The following GALNTL6 variants were observed in gnomAD, a reference collection of about 807,000 sequenced individuals.
GALNTL6 encodes polypeptide N-acetylgalactosaminyltransferase like 6, also known as polypeptide N-acetylgalactosaminyltransferase-like 6.
GALNTL6 carries 46 observed loss-of-function variants against 73.7 expected under a neutral mutation model. The ratio of observed to expected loss-of-function variants is 0.62; its 90% confidence interval spans 0.49 to 0.80. The LOEUF (loss-of-function observed/expected upper bound fraction) is 0.80. Among genes scored for constraint, GALNTL6 ranks in the 30% least tolerant of loss-of-function variants. The pLI, the probability that GALNTL6 is intolerant of heterozygous loss-of-function variation, is 0.00. For synonymous variants in GALNTL6, 259 were observed against 263.7 expected, an observed-to-expected ratio of 0.98 and a Z score of 0.17; for missense variants, 604 against 755.0, an observed-to-expected ratio of 0.80 and a Z score of 2.34.
At chr4:172,253,132 T>C (rs1361461283) in intron 3 of GALNTL6, among the ~76,000 whole-genome samples, 1 of 151,968 alleles carries the variant, frequency 6.6e-6, no homozygotes, top group African/African-American at 2.4e-5. Flanking sequence ...TATTTTTTAT[T>C]ACATGTAATC....
chr4:172,302,763 A>T (rs538472030), intron 3 of GALNTL6, among the ~76,000 whole-genome samples: 27 of 152,256 alleles, frequency 1.8e-4, no homozygotes, highest in African/African-American at 5.8e-4. Context: ...AAAAATAGAT[A>T]TAGGACTATT....
At chr4:171,906,351 G>A (rs928780690) in intron 2 of GALNTL6, among the ~76,000 whole-genome samples, 1 of 151,446 alleles carries the variant, frequency 6.6e-6, no homozygotes, top group African/African-American at 2.4e-5. Flanking sequence ...TACCATCAGA[G>A]AATACTACAA....
At chr4:172,388,282 T>A (rs557533443) in intron 5 of GALNTL6, among the ~76,000 whole-genome samples, 1 of 152,270 alleles carries the variant, frequency 6.6e-6, no homozygotes, top group East Asian at 1.9e-4. Context: ...GTTGCTATTT[T>A]TTCGTTTTAG....
At chr4:173,007,204 C>G (rs1752340843) in intron 10 of GALNTL6, among the ~76,000 whole-genome samples, 1 of 152,150 alleles carries the variant, frequency 6.6e-6, no homozygotes, top group Non-Finnish European at 1.5e-5. Flanking sequence ...CCTCATTGCC[C>G]ACCCCAGCAG....
chr4:172,162,242 G>T (rs1734493583), intron 2 of GALNTL6, among the ~76,000 whole-genome samples: 1 of 151,730 alleles, frequency 6.6e-6, no homozygotes, highest in Non-Finnish European at 1.5e-5. Flanking sequence ...GGGACACAGT[G>T]GGAGAGGATT....
intron 10 of GALNTL6, among the ~76,000 whole-genome samples, chr4:172,976,134 C>T (rs1195160576): frequency 6.6e-6 from 1 of 152,176 alleles, no homozygotes; most frequent in Admixed American, 6.5e-5. Context: ...TCCAAGTGGA[C>T]ACCTCTGCCA....
chr4:171,949,732 G>A (rs1481352177), intron 2 of GALNTL6, among the ~76,000 whole-genome samples: 1 of 152,092 alleles, frequency 6.6e-6, no homozygotes. Flanking sequence ...ATCACACAAT[G>A]AGTAAGTTAA....
At chr4:172,489,416 G>A (rs537347778) in intron 5 of GALNTL6, among the ~76,000 whole-genome samples, 5 of 152,270 alleles carry the variant, frequency 3.3e-5, no homozygotes, top group East Asian at 1.9e-4. Context: ...ATTGATTTAC[G>A]CATGTGTATG....
At chr4:172,885,058 A>T (rs1433388141) in intron 8 of GALNTL6, among the ~76,000 whole-genome samples, 1 of 152,172 alleles carries the variant, frequency 6.6e-6, no homozygotes, top group Non-Finnish European at 1.5e-5. Flanking sequence ...AAGTAATGGG[A>T]TGACTCCAGC....
At chr4:171,818,404 A>G (rs1734581579) in intron 2 of GALNTL6, among the ~76,000 whole-genome samples, 1 of 151,888 alleles carries the variant, frequency 6.6e-6, no homozygotes, top group Admixed American at 6.6e-5. Flanking sequence ...TTTAGCAAGT[A>G]ACTTGGAAAT....
chr4:172,115,311 A>G (rs2110986787), intron 2 of GALNTL6, among the ~76,000 whole-genome samples: 1 of 152,246 alleles, frequency 6.6e-6, no homozygotes, highest in African/African-American at 2.4e-5. Flanking sequence ...TTCTGAAGGA[A>G]CCTTTTAGAA....
At chr4:172,970,422 C>A (rs1375931992) in intron 10 of GALNTL6, among the ~76,000 whole-genome samples, 2 of 152,122 alleles carry the variant, frequency 1.3e-5, no homozygotes, top group African/African-American at 4.8e-5. Flanking sequence ...CCCAGAGTGG[C>A]CATTTATAGA....
intron 2 of GALNTL6, among the ~76,000 whole-genome samples, chr4:172,043,019 C>T (rs980727806): frequency 2.0e-5 from 3 of 151,788 alleles, no homozygotes; most frequent in African/African-American, 4.8e-5. Flanking sequence ...AATGAGTCAC[C>T]GTCTTTGTTG....
At chr4:172,350,525 C>G (rs189220043) in intron 5 of GALNTL6, among the ~76,000 whole-genome samples, 2 of 152,166 alleles carry the variant, frequency 1.3e-5, no homozygotes, top group African/African-American at 4.8e-5. Context: ...AATTTAGGAA[C>G]AGTAATGGTG....
chr4:172,445,134 A>G (rs1731974460), intron 5 of GALNTL6, among the ~76,000 whole-genome samples: 1 of 152,156 alleles, frequency 6.6e-6, no homozygotes, highest in Non-Finnish European at 1.5e-5. Flanking sequence ...CCCACTAGAG[A>G]CATGAGAAGT....
chr4:172,635,946 G>C (rs1739654701), intron 5 of GALNTL6, among the ~76,000 whole-genome samples: 1 of 152,122 alleles, frequency 6.6e-6, no homozygotes, highest in African/African-American at 2.4e-5. Context: ...CAACATTTCT[G>C]TAAAAGCTAT....
chr4:172,320,998 G>T (rs1322986649), intron 4 of GALNTL6, among the ~76,000 whole-genome samples: 2 of 152,110 alleles, frequency 1.3e-5, no homozygotes, highest in African/African-American at 4.8e-5. Context: ...AAATAAGTGA[G>T]GACAGTACAA....
chr4:172,705,600 G>A (rs548226115), intron 5 of GALNTL6, among the ~76,000 whole-genome samples: 3 of 151,912 alleles, frequency 2.0e-5, no homozygotes, highest in East Asian at 3.9e-4. Context: ...ACTTCAGGTG[G>A]ATTTTTTTTG....
chr4:172,062,083 G>A (rs1731221704), intron 2 of GALNTL6, among the ~76,000 whole-genome samples: 1 of 151,204 alleles, frequency 6.6e-6, no homozygotes, highest in Non-Finnish European at 1.5e-5. Context: ...CTGAGTAGCT[G>A]GGACTACAGG....
Sources: allele counts gnomAD v4.1 joint callset (sites outside exome capture counted in the v4.1 genomes callset), GRCh38; gene constraint gnomAD v4.1.1; transcripts MANE v1.5; gene names NCBI Gene and HGNC (gene_info 2026-07-23, HGNC 2026-07-21).